MYCBP2: variants seen among roughly 807,000 people sequenced by gnomAD.
MYCBP2 encodes the protein MYC binding protein 2.
A neutral mutation model predicts 525.3 loss-of-function variants in MYCBP2; 120 were observed. That is an observed-to-expected ratio of 0.23 (90% confidence interval 0.20 to 0.27). The LOEUF (loss-of-function observed/expected upper bound fraction) is 0.27, where lower values mean the gene tolerates loss of function less well. MYCBP2 is among the 10% of genes least tolerant of loss of function. MYCBP2 has a pLI of 1.00. For missense variants in MYCBP2, 4,149 were observed against 5,657.1 expected (o/e 0.73, Z 8.55); for synonymous variants, 1,894 against 1,955.8 (o/e 0.97, Z 0.83).
chr13:77,274,919 T>C (rs1208969211), intron 4 of MYCBP2, among the ~76,000 whole-genome samples: 1 of 152,168 alleles, frequency 6.6e-6, no homozygotes, highest in African/African-American at 2.4e-5. Context: ...CTTCCATTTT[T>C]TTCCATTTAT....
At chr13:77,157,855 A>T in intron 45 of MYCBP2, 82 bp downstream of exon 45, 1 of 1,143,396 alleles carries the variant, frequency 8.7e-7, no homozygotes. Context: ...GTAGTATTTT[A>T]ATATTCTAAT....
intron 26 of MYCBP2, among the ~76,000 whole-genome samples, chr13:77,201,916 C>A (rs1292474378): frequency 6.6e-6 from 1 of 151,984 alleles, no homozygotes; most frequent in Admixed American, 6.5e-5. Flanking sequence ...AAATTTATAG[C>A]ACTAAATGCC....
At position 77,061,279 on chromosome 13, in the gene MYCBP2, G is replaced by C. The variant is rs764856835; in HGVS notation, c.12926C>G (p.Ala4309Gly). ...ACCTTCATGAAGGTCAACCTTTATA[G>C]CTTCTTCTTCTTCTTTGAAGACCTA... ...QRQVFKEEEE[A>G]IKVDLHEGCG... is the part of the protein sequence containing the mutation. The change falls in exon 76 of 83, where the codon GCT (alanine) becomes GGT (glycine). Residue 4309 changes from alanine to glycine, a missense_variant. Physicochemically the swap from Ala to Gly is moderately conservative, Grantham distance 60. Transcript: ENST00000544440. The C allele has an allele frequency of 6.2e-7, 1 of 1,608,368 alleles. No individual in the cohort carries two copies. The highest frequency in any genetic ancestry group is 2.2e-5 in the East Asian group (1 of 44,590).
intron 1 of MYCBP2, among the ~76,000 whole-genome samples, chr13:77,297,409 T>A: frequency 6.6e-6 from 1 of 152,182 alleles, no homozygotes. Flanking sequence ...AAGCACAGTT[T>A]AGTGATCTAA....
intron 2 of MYCBP2, among the ~76,000 whole-genome samples, chr13:77,295,547 TCA>T (rs2078092077): frequency 6.6e-6 from 1 of 152,346 alleles, no homozygotes; most frequent in Admixed American, 6.5e-5. Context: ...TAGATTTCTC[TCA>T]GTTACAATAG....
chr13:77,175,975 A>G (rs2059659156), intron 36 of MYCBP2, among the ~76,000 whole-genome samples: 1 of 150,520 alleles, frequency 6.6e-6, no homozygotes, highest in Admixed American at 6.7e-5. Flanking sequence ...TAATAATAAT[A>G]ATTAAAAAAA....
chr13:77,251,354 C>T lies in MYCBP2; in HGVS notation c.2178G>A (p.Gly726=), dbSNP rs2071171238. Reference sequence around the variant, plus strand: ...CTGTTGCCATATTTTCAACTCCAAACCCTATTTGACAGATCAATTTGTAAT... The same window carrying T: ...CTGTTGCCATATTTTCAACTCCAAATCCTATTTGACAGATCAATTTGTAAT... ...DTGAMNQGGK[G]FGVENMATAM... Residue 726 remains glycine, a splice_region_variant and synonymous_variant, in exon 15 of 83, where the codon GGG becomes GGA. Coordinates refer to ENST00000544440, the MANE Select transcript of MYCBP2 (RefSeq NM_015057.5). The T allele has an allele frequency of 6.2e-7, 1 of 1,613,204 alleles. No individual in the cohort carries two copies. Among genetic ancestry groups the T allele is most frequent in the Admixed American group, 1.7e-5 (1 of 59,950 alleles).
Position 77,098,432 on chromosome 13 carries a change from A to T in MYCBP2, c.8722T>A (p.Ser2908Thr). The T allele has an allele frequency of 1.2e-6, 2 of 1,613,590 alleles. No individual in the cohort carries two copies. Among genetic ancestry groups the T allele is most frequent in the Non-Finnish European group, 1.7e-6 (2 of 1,179,778 alleles). Residue 2908 changes from serine to threonine, a missense_variant, in exon 56 of 83, where the codon TCT (serine) becomes ACT (threonine). Coordinates refer to ENST00000544440, the MANE Select transcript of MYCBP2 (RefSeq NM_015057.5). The part of the protein sequence containing the change: ...SPKPKSVPKD[S>T]TDSPGSENRA... ...TTTTCAGATCCAGGGGAATCTGTAGAATCCTTTGGTACTGATTTTGGTTTT... is the reference window on the plus strand; with the variant it reads ...TTTTCAGATCCAGGGGAATCTGTAGTATCCTTTGGTACTGATTTTGGTTTT...
At chr13:77,130,995 T>C (rs2052689161) in intron 52 of MYCBP2, among the ~76,000 whole-genome samples, 1 of 152,182 alleles carries the variant, frequency 6.6e-6, no homozygotes, top group South Asian at 2.1e-4. Flanking sequence ...TATTTTAAAA[T>C]GATGTTAACT....
chr13:77,046,540 C>G (rs1373693121), intron 82 of MYCBP2, among the ~76,000 whole-genome samples: 1 of 152,168 alleles, frequency 6.6e-6, no homozygotes, highest in Non-Finnish European at 1.5e-5. Context: ...AAAAGGCTAG[C>G]ATTTATAAAG....
At chr13:77,265,186 T>C (rs2073903077) in intron 8 of MYCBP2, among the ~76,000 whole-genome samples, 1 of 152,020 alleles carries the variant, frequency 6.6e-6, no homozygotes, top group Admixed American at 6.6e-5. Flanking sequence ...GGCCCACTGG[T>C]AGCCCAAGAG....
chr13:77,151,089 G>A (rs889826305), intron 46 of MYCBP2, 140 bp from the exon 47 acceptor site: 10 of 709,324 alleles, frequency 1.4e-5, no homozygotes, highest in Non-Finnish European at 1.8e-5. Context: ...CCCTTCAAAG[G>A]CTTATTGAAA....
At chr13:77,236,695 CAAT>C (rs2154306765) in intron 17 of MYCBP2, among the ~76,000 whole-genome samples, 1 of 152,098 alleles carries the variant, frequency 6.6e-6, no homozygotes, top group South Asian at 2.1e-4. Context: ...TTTAAATTAA[CAAT>C]GAGATAACAT....
chr13:77,166,182 T>C (rs903262440), intron 41 of MYCBP2, 147 bp downstream of exon 41: 76 of 622,874 alleles, frequency 1.2e-4, no homozygotes, highest in Admixed American at 2.1e-4. Flanking sequence ...GGTACCTTAT[T>C]TATTCCTCGA....
chr13:77,083,242 C>A, intron 62 of MYCBP2, 50 bp from the exon 63 acceptor site: 2 of 1,542,560 alleles, frequency 1.3e-6, no homozygotes, highest in Non-Finnish European at 1.8e-6. Flanking sequence ...TGGAAGGAAT[C>A]CTCTTCACAA....
At chr13:77,252,967 G>A (rs2071482778) in intron 14 of MYCBP2, among the ~76,000 whole-genome samples, 1 of 152,012 alleles carries the variant, frequency 6.6e-6, no homozygotes, top group Non-Finnish European at 1.5e-5. Flanking sequence ...ACAATGCCAA[G>A]CAAATAAAGC....
At chr13:77,177,697 C>T (rs755512011) in intron 35 of MYCBP2, 51 bp downstream of exon 35, 29 of 1,425,900 alleles carry the variant, frequency 2.0e-5, no homozygotes, top group Non-Finnish European at 2.5e-5. Context: ...AATGGTAAAT[C>T]CTGATACACA....
intron 2 of MYCBP2, among the ~76,000 whole-genome samples, chr13:77,290,227 T>C (rs1421096120): frequency 6.6e-6 from 1 of 152,156 alleles, no homozygotes; most frequent in Non-Finnish European, 1.5e-5. Context: ...CACCAAATGC[T>C]GGTGGGGATG....
At chr13:77,266,157 G>C (rs1195393912) in intron 8 of MYCBP2, among the ~76,000 whole-genome samples, 1 of 152,190 alleles carries the variant, frequency 6.6e-6, no homozygotes, top group African/African-American at 2.4e-5. Flanking sequence ...TCTATTAAAT[G>C]TGCAGGGTTT....
Sources: gnomAD v4.1 joint callset for allele counts (sites outside exome capture counted in the v4.1 genomes callset) on GRCh38, gnomAD v4.1.1 for gene constraint, MANE v1.5 for transcripts, NCBI Gene and HGNC (gene_info 2026-07-23, HGNC 2026-07-21) for gene names.